The following CAMK1D variants were observed in gnomAD, a reference collection of about 807,000 sequenced individuals.
The protein encoded by CAMK1D is calcium/calmodulin dependent protein kinase ID.
A neutral mutation model predicts 47.7 loss-of-function variants in CAMK1D; 9 were observed. That is an observed-to-expected ratio of 0.19 (90% CI 0.11 to 0.33). The LOEUF is 0.33. CAMK1D is among the 10% of genes least tolerant of loss of function. The pLI is 1.00. For synonymous variants in CAMK1D, 184 were observed against 184.9 expected (o/e 0.99, Z 0.04); for missense variants, 291 against 488.7 (o/e 0.60, Z 3.81).
At position 12,647,267 on chromosome 10, in the gene CAMK1D, G is replaced by A. The variant is rs141666716; in HGVS notation, c.225-19469G>A. On this transcript the variant is annotated intron_variant, in intron 2 of 10. Transcript: ENST00000619168. ...CAGTTGAAGCGATCCTCCTGACTCA[G>A]CCTCCCGAGTAGCTAGGATTACAGG... 9.3e-3 allele frequency among the ~76,000 whole-genome samples: 1,369 copies of A among 146,700 alleles called. 26 individuals carry two copies. Among genetic ancestry groups the A allele is most frequent in the African/African-American group, 0.032 (1,288 of 39,938 alleles).
intron 2 of CAMK1D, among the ~76,000 whole-genome samples, chr10:12,620,489 G>A (rs760090453): frequency 6.6e-6 from 1 of 152,210 alleles, no homozygotes; most frequent in Non-Finnish European, 1.5e-5. Flanking sequence ...TGTCTTATTG[G>A]AATATTAATT....
chr10:12,561,726 T>C (rs528074730), intron 2 of CAMK1D, among the ~76,000 whole-genome samples: 19 of 152,318 alleles, frequency 1.2e-4, no homozygotes, highest in African/African-American at 3.8e-4. Context: ...GAGAATATAT[T>C]TGGTGCTTCT....
At position 12,579,746 on chromosome 10, in the gene CAMK1D, G is replaced by C. The variant is rs139330298; in HGVS notation, c.224+26390G>C. On this transcript the variant is annotated intron_variant, in intron 2 of 10. Transcript: ENST00000619168. ...CCAGACCAGTCACAATTGTCTCTCT[G>C]TGCTCTTAGATGCCTTCACTGTGAT... is the stretch of plus-strand genomic sequence containing the variant. Among the ~76,000 whole-genome samples, 772 of 152,248 alleles carry C rather than the reference G, an allele frequency of 5.1e-3. 10 individuals carry two copies. Among genetic ancestry groups the C allele is most frequent in the African/African-American group, 0.017 (706 of 41,522 alleles).
intron 3 of CAMK1D, among the ~76,000 whole-genome samples, chr10:12,694,272 ATT>A (rs1491126958): frequency 2.6e-5 from 2 of 78,272 alleles, no homozygotes; most frequent in African/African-American, 1.0e-4. Flanking sequence ...TATAATATAT[ATT>A]ATACATAATA....
intron 6 of CAMK1D, among the ~76,000 whole-genome samples, chr10:12,800,577 C>G (rs1838381719): frequency 1.3e-5 from 2 of 152,170 alleles, no homozygotes; most frequent in Admixed American, 6.6e-5. Context: ...TTTTCAGACC[C>G]CCATTGGGCC....
intron 2 of CAMK1D, among the ~76,000 whole-genome samples, chr10:12,650,114 C>G (rs112161346): frequency 1.3e-5 from 2 of 152,226 alleles, no homozygotes; most frequent in Non-Finnish European, 2.9e-5. Context: ...CACAGCAGTC[C>G]CTCCTCTACC....
chr10:12,358,284 T>G (rs1837571501), intron 1 of CAMK1D, among the ~76,000 whole-genome samples: 1 of 152,150 alleles, frequency 6.6e-6, no homozygotes, highest in Admixed American at 6.5e-5. Flanking sequence ...ATGCCTGTAA[T>G]CATAGCACTT....
intron 2 of CAMK1D, 45 bp downstream of exon 2, chr10:12,553,401 C>T (rs199673286): frequency 2.5e-5 from 37 of 1,501,644 alleles, no homozygotes; most frequent in African/African-American, 5.5e-5. Context: ...ACCTCCTGGC[C>T]CGTGTGTCCT....
At chr10:12,543,112 A>G (rs535450053) in intron 1 of CAMK1D, among the ~76,000 whole-genome samples, 8 of 152,068 alleles carry the variant, frequency 5.3e-5, no homozygotes, top group Admixed American at 4.6e-4. Flanking sequence ...CAGTGGCACG[A>G]TCTTGGCTCA....
intron 1 of CAMK1D, among the ~76,000 whole-genome samples, chr10:12,457,993 A>G (rs1564351869): frequency 6.6e-6 from 1 of 152,198 alleles, no homozygotes; most frequent in African/African-American, 2.4e-5. Context: ...TGAATCATGT[A>G]GAAAAGCAAG....
chr10:12,434,062 C>A (rs569538901), intron 1 of CAMK1D, among the ~76,000 whole-genome samples: 1 of 152,302 alleles, frequency 6.6e-6, no homozygotes, highest in Admixed American at 6.5e-5. Context: ...CCTTGAACTC[C>A]TGGGCTCAAG....
At chr10:12,624,869 G>A (rs1414874019) in intron 2 of CAMK1D, among the ~76,000 whole-genome samples, 3 of 152,122 alleles carry the variant, frequency 2.0e-5, no homozygotes, top group Non-Finnish European at 4.4e-5. Flanking sequence ...AGCAGGTAGG[G>A]TATCCAGGAC....
At chr10:12,351,449 T>C (rs1466178778) in intron 1 of CAMK1D, among the ~76,000 whole-genome samples, 1 of 152,200 alleles carries the variant, frequency 6.6e-6, no homozygotes, top group Non-Finnish European at 1.5e-5. Flanking sequence ...CAAGAAAGCA[T>C]GGCCTTTGCT....
In CAMK1D at chr10:12,694,117, TATGCATAATATATA is replaced by T. The variant is rs1833089462; in HGVS notation, c.299+27308_299+27321del. 5.5e-5 allele frequency among the ~76,000 whole-genome samples: 2 copies of T among 36,382 alleles called. 1 individual carries two copies. The highest frequency in any genetic ancestry group is 9.3e-5 in the Non-Finnish European group (2 of 21,432). The allele number at this position is 36,382 out of a possible 152,430, so 23.9% of individuals were successfully genotyped here. A position where few individuals can be genotyped will look rare whatever the true frequency, so the allele number is the denominator to read the frequency against. On this transcript the variant is annotated intron_variant, in intron 3 of 10. Coordinates refer to ENST00000619168, the MANE Select transcript of CAMK1D (RefSeq NM_153498.4). Reference sequence around the variant, plus strand: ...ATATTATATAATATATAATATATATTATGCATAATATATATTATATATAATATAATATATAATAT... The same window carrying T: ...ATATTATATAATATATAATATATATTTTATATATAATATAATATATAATAT...
chr10:12,361,391 C>A (rs1837657477), intron 1 of CAMK1D, among the ~76,000 whole-genome samples: 1 of 151,622 alleles, frequency 6.6e-6, no homozygotes, highest in Admixed American at 6.6e-5. Flanking sequence ...AGATAACAGG[C>A]ATGCACCACC....
At position 12,485,217 on chromosome 10, in the gene CAMK1D, C is replaced by T. The variant is rs538429374; in HGVS notation, c.93-68008C>T. Among the ~76,000 whole-genome samples, 23 of 152,220 alleles carry T rather than the reference C, an allele frequency of 1.5e-4. No individual in the cohort carries two copies. The South Asian group carries it at 3.7e-3, about 25-fold the overall frequency. On this transcript the variant is annotated intron_variant, in intron 1 of 10. Coordinates refer to ENST00000619168, the MANE Select transcript of CAMK1D (RefSeq NM_153498.4). ...ACATGGCTAAGGCAGATTATTACAG[C>T]GAGTGAGTGAGACCGAGCTAGGGGA... is the stretch of plus-strand genomic sequence containing the variant.
chr10:12,365,005 G>T (rs889965665), intron 1 of CAMK1D, among the ~76,000 whole-genome samples: 4 of 151,248 alleles, frequency 2.6e-5, no homozygotes, highest in Admixed American at 1.3e-4. Context: ...CACCCAGGCT[G>T]GAGTTCAGTG....
chr10:12,730,593 A>G (rs1389330230), intron 3 of CAMK1D, among the ~76,000 whole-genome samples: 1 of 152,160 alleles, frequency 6.6e-6, no homozygotes. Flanking sequence ...GAGTAGACAG[A>G]GGGAAGGGCT....
chr10:12,675,642 C>A (rs937081672), intron 3 of CAMK1D, among the ~76,000 whole-genome samples: 1 of 152,246 alleles, frequency 6.6e-6, no homozygotes, highest in African/African-American at 2.4e-5. Context: ...TTTCTTCCCC[C>A]AGTCCTACCC....
Sources: gnomAD v4.1 joint callset for allele counts (sites outside exome capture counted in the v4.1 genomes callset) on GRCh38, gnomAD v4.1.1 for gene constraint, MANE v1.5 for transcripts, NCBI Gene and HGNC (gene_info 2026-07-23, HGNC 2026-07-21) for gene names.